CAPRIN1: variants seen among roughly 807,000 people sequenced by gnomAD.
The protein encoded by CAPRIN1 is cell cycle associated protein 1.
A neutral mutation model predicts 100.9 loss-of-function variants in CAPRIN1; 29 were observed. The ratio of observed to expected loss-of-function variants is 0.29; its 90% CI spans 0.21 to 0.39. The LOEUF (loss-of-function observed/expected upper bound fraction) is 0.39. Among genes scored for constraint, CAPRIN1 ranks in the 10% least tolerant of loss-of-function variants. CAPRIN1 has a pLI of 1.00. For missense variants in CAPRIN1, 795 were observed against 876.7 expected (o/e 0.91, Z 1.18); for synonymous variants, 338 against 307.5 (o/e 1.10, Z -1.04).
chr11:34,090,118 G>GT, intron 12 of CAPRIN1, 61 bp from the exon 13 acceptor site: 6 of 1,046,554 alleles, frequency 5.7e-6, no homozygotes, highest in Non-Finnish European at 8.7e-6. Flanking sequence ...GAGGTAACTT[G>GT]TTTTTTTAAC....
rs762262098 is a variant in CAPRIN1 at position 34,096,470 on chromosome 11, A to T, written c.1706-9A>T. 1.6e-5 allele frequency: 26 copies of T among 1,607,030 alleles called. 1 individual carries two copies. Among genetic ancestry groups the T allele is most frequent in the African/African-American group, 4.0e-5 (3 of 74,466 alleles). ...TTATGTATATATCTTTTTCTTTTTT[A>T]AATTATAGTGGTTGGCACTTACCAT... is the stretch of plus-strand genomic sequence containing the variant. On this transcript the variant is annotated splice_polypyrimidine_tract_variant and intron_variant, in intron 15 of 18. Transcript: ENST00000341394.
At chr11:34,075,820 A>T (rs1034409232) in intron 4 of CAPRIN1, among the ~76,000 whole-genome samples, 6 of 152,238 alleles carry the variant, frequency 3.9e-5, no homozygotes, top group Non-Finnish European at 8.8e-5. Context: ...GCATAATGAA[A>T]AACTTCAGAT....
Position 34,069,349 on chromosome 11 carries a change from A to C in CAPRIN1, c.217-2377A>C, listed in dbSNP as rs564358487. ...ATTTTTGGTAGAGACGGGGTTTCAC[A>C]GTGTTGGCCAGGCTGGTCTTGAACT... is the stretch of plus-strand genomic sequence containing the variant. On this transcript the variant is annotated intron_variant, in intron 2 of 18. Transcript: ENST00000341394. Among the ~76,000 whole-genome samples, 40 of 151,808 alleles carry C rather than the reference A, an allele frequency of 2.6e-4. No homozygotes were observed. The East Asian group carries it at 5.6e-3, about 21-fold the overall frequency.
intron 11 of CAPRIN1, among the ~76,000 whole-genome samples, chr11:34,087,328 C>CTTTTTTTTT (rs1565095087): frequency 1.1e-5 from 1 of 94,604 alleles, no homozygotes; most frequent in African/African-American, 4.2e-5. Flanking sequence ...ATATCTCTCA[C>CTTTTTTTTT]ATTTTTTTTT....
intron 16 of CAPRIN1, 114 bp from the exon 17 acceptor site, chr11:34,097,077 ATTAAT>A (rs1246119762): frequency 1.4e-6 from 1 of 697,368 alleles, no homozygotes; most frequent in Non-Finnish European, 2.5e-6. Context: ...GAAATTGGAG[ATTAAT>A]TTGATTAACT....
rs184494929 is a variant in CAPRIN1, at chr11:34,070,031, G to A, written c.217-1695G>A. 4.9e-3 allele frequency among the ~76,000 whole-genome samples: 745 copies of A among 152,054 alleles called. 6 individuals are homozygous for A. Among genetic ancestry groups the A allele is most frequent in the Non-Finnish European group, 8.2e-3 (556 of 67,986 alleles). ...ACTTTGTTTCACAATTTTATTATTG[G>A]TAAGGGGGTAAGGAACTATGTATGT... On this transcript the variant is annotated intron_variant, in intron 2 of 18. Transcript: ENST00000341394.
At chr11:34,072,714 G>C (rs1204912871) in intron 4 of CAPRIN1, among the ~76,000 whole-genome samples, 2 of 152,128 alleles carry the variant, frequency 1.3e-5, no homozygotes, top group African/African-American at 4.8e-5. Flanking sequence ...AATTTGTTGA[G>C]GCCAGAAAAT....
rs538398928 is a variant in CAPRIN1, at chr11:34,083,203, C to T, written c.966+162C>T. 2.0e-5 allele frequency among the ~76,000 whole-genome samples: 3 copies of T among 152,270 alleles called. No individual in the cohort carries two copies. In the South Asian group the frequency reaches 6.2e-4, roughly 32 times the overall value. On this transcript the variant is annotated intron_variant, in intron 9 of 18. Transcript: ENST00000341394. ...TTACTTCCAAAAAATGAATGTTTAT[C>T]CCTGTGGATGTTTAATAGGATCCCT...
chr11:34,078,772 C>T (rs1850954596), intron 6 of CAPRIN1, among the ~76,000 whole-genome samples: 1 of 152,140 alleles, frequency 6.6e-6, no homozygotes, highest in South Asian at 2.1e-4. Flanking sequence ...CTTTGTAATG[C>T]TCTTTCTTCT....
chr11:34,054,007 C>G (rs1005386078), intron 2 of CAPRIN1, among the ~76,000 whole-genome samples: 4 of 152,142 alleles, frequency 2.6e-5, no homozygotes, highest in Non-Finnish European at 5.9e-5. Flanking sequence ...GGCCAGACAC[C>G]TAATAGTGTT....
intron 2 of CAPRIN1, among the ~76,000 whole-genome samples, chr11:34,068,660 G>T (rs1023242589): frequency 6.6e-6 from 1 of 152,096 alleles, no homozygotes; most frequent in Admixed American, 6.6e-5. Context: ...TTTCTGTTGC[G>T]TGGAATTCTT....
At chr11:34,069,152 T>G (rs1283753994) in intron 2 of CAPRIN1, among the ~76,000 whole-genome samples, 1 of 102,764 alleles carries the variant, frequency 9.7e-6, no homozygotes, top group South Asian at 2.7e-4. Flanking sequence ...ACTTATTTAG[T>G]TTTTTTTTTT....
At chr11:34,053,628 T>G (rs1850384143) in intron 2 of CAPRIN1, 1 of 152,074 alleles carries the variant, frequency 6.6e-6, no homozygotes, top group Non-Finnish European at 1.5e-5. Flanking sequence ...ACACCCACGA[T>G]TTTTTGGATT....
rs976018381 is a variant in CAPRIN1, at chr11:34,100,811, C to G, written c.*1444C>G. On this transcript the variant is annotated 3_prime_UTR_variant, in exon 19 of 19. Coordinates refer to ENST00000341394, the MANE Select transcript of CAPRIN1 (RefSeq NM_005898.5). ...TGTGCTAGCAGTTTGAGCACTAGTT[C>G]TGTGTGCCTAGGAAGTTAATGCTGC... 1 of 152,614 alleles carries G rather than the reference C, an allele frequency of 6.6e-6. No homozygotes were observed. The highest frequency in any genetic ancestry group is 1.5e-5 in the Non-Finnish European group (1 of 68,030). 9.5% of individuals were successfully genotyped at this position (152,614 alleles called of 1,614,324 possible).
chr11:34,076,580 A>G lies in CAPRIN1; in HGVS notation c.626A>G (p.His209Arg), dbSNP rs753448615. The G allele has an allele frequency of 5.6e-6, 9 of 1,613,828 alleles. No individual in the cohort carries two copies. In the Admixed American group the frequency reaches 1.2e-4, roughly 21 times the overall value. ...MSLRLNEQYE[H>R]ASIHLWDLLE... ...AAAAGGTTGAATGAACAGTATGAAC[A>G]TGCCTCCATTCACCTGTGGGACCTG... Residue 209 changes from histidine (H) to arginine (R), a missense_variant, in exon 6 of 19, where the codon CAT becomes CGT. His to Arg is a conservative substitution (Grantham distance 29). Transcript: ENST00000341394.
intron 16 of CAPRIN1, 33 bp downstream of exon 16, chr11:34,096,706 T>G (rs753691413): frequency 2.3e-5 from 35 of 1,493,036 alleles, no homozygotes; most frequent in Non-Finnish European, 3.1e-5. Context: ...TCTAATGACC[T>G]TTTACTAGTT....
Position 34,090,258 on chromosome 11 carries a change from G to T in CAPRIN1, c.1373G>T (p.Arg458Leu), listed in dbSNP as rs1405472982. 3.1e-6 allele frequency: 5 copies of T among 1,613,636 alleles called. No homozygotes were observed. The South Asian group carries it at 5.5e-5, about 18-fold the overall frequency. The change falls in exon 13 of 19, where the codon CGA becomes CTA. Residue 458 changes from arginine to leucine, a missense_variant. By Grantham distance (102) the Arg-to-Leu change is moderately radical. Coordinates refer to ENST00000341394, the MANE Select transcript of CAPRIN1 (RefSeq NM_005898.5). ...LYQPSHATEQRPQKEPIDQIQ... is the reference protein window; with the variant it reads ...LYQPSHATEQLPQKEPIDQIQ... ...CAGCCTTCTCATGCTACAGAGCAAC[G>T]ACCACAGAAGGAACCAATTGATCAG... is the stretch of plus-strand genomic sequence containing the variant.
intron 6 of CAPRIN1, among the ~76,000 whole-genome samples, chr11:34,078,788 G>A (rs999512549): frequency 2.6e-5 from 4 of 152,046 alleles, no homozygotes; most frequent in Non-Finnish European, 4.4e-5. Context: ...CTTCTCCCTT[G>A]AAACACTTCT....
intron 2 of CAPRIN1, among the ~76,000 whole-genome samples, chr11:34,057,722 T>C (rs1850481705): frequency 1.3e-5 from 2 of 152,182 alleles, no homozygotes; most frequent in Non-Finnish European, 2.9e-5. Context: ...TTAATTTTTA[T>C]TTATTATCAT....
Sources: gnomAD v4.1 joint callset for allele counts (sites outside exome capture counted in the v4.1 genomes callset) on GRCh38, gnomAD v4.1.1 for gene constraint, MANE v1.5 for transcripts, NCBI Gene and HGNC (gene_info 2026-07-23, HGNC 2026-07-21) for gene names.